TASOR: variants seen among roughly 807,000 people sequenced by gnomAD.
TASOR encodes protein TASOR.
In TASOR, 53 loss-of-function variants were observed where a neutral mutation model predicts 178.6. That is an observed-to-expected ratio of 0.30 (90% confidence interval 0.24 to 0.37). The LOEUF is 0.37. TASOR is among the 10% of genes least tolerant of loss of function. TASOR has a pLI of 1.00. For missense variants in TASOR, 1,815 were observed against 1,971.4 expected (o/e 0.92, Z 1.50); for synonymous variants, 713 against 696.2 (o/e 1.02, Z -0.38).
chr3:56,631,485 G>A (rs78443178), intron 18 of TASOR, among the ~76,000 whole-genome samples: 3,975 of 151,886 alleles, frequency 0.026, 87 homozygotes, highest in African/African-American at 0.06. Context: ...TTGCTCCAAT[G>A]TGTTACCATT....
chr3:56,655,835 G>T (rs987308110), intron 11 of TASOR, among the ~76,000 whole-genome samples: 87 of 151,936 alleles, frequency 5.7e-4, no homozygotes, highest in African/African-American at 2.0e-3. Context: ...ATAATAATAA[G>T]GGTTATGTAA....
chr3:56,633,820 C>T lies in TASOR; in HGVS notation c.2971G>A (p.Asp991Asn). 1 of 1,614,144 alleles carries T rather than the reference C, an allele frequency of 6.2e-7. No individual in the cohort carries two copies. The highest frequency in any genetic ancestry group is 8.5e-7 in the Non-Finnish European group (1 of 1,180,020). ...TCCACCTGACCTGTCAACACGTCAT[C>T]CTCAGTGGTGCCCTTTAGTGTGTCT... ...FTDTLKGTTE[D>N]DVLTGQVEEQ... The change falls in exon 18 of 24, where the codon GAT becomes AAT. Residue 991 changes from aspartate (D) to asparagine (N), a missense_variant. Asp to Asn is a conservative substitution (Grantham distance 23). This residue lies in a region of TASOR where 655 missense variants were observed against 671.1 expected (regional missense o/e 0.98). Transcript: ENST00000683822.
Position 56,636,723 on chromosome 3 carries a change from A to C in TASOR, c.2824+1983T>G, listed in dbSNP as rs117914974. Among the ~76,000 whole-genome samples, 154 of 152,242 alleles carry C rather than the reference A, an allele frequency of 1.0e-3. 1 individual carries two copies. The East Asian group carries it at 0.023, about 23-fold the overall frequency. Reference sequence around the variant, plus strand: ...TTTAAAAAAAAACTTATTGCCATTAAATAATTGCAGTATTTTAACTTTTAA... The same window carrying C: ...TTTAAAAAAAAACTTATTGCCATTACATAATTGCAGTATTTTAACTTTTAA... On this transcript the variant is annotated intron_variant, in intron 17 of 23. Transcript: ENST00000683822.
At chr3:56,679,825 A>G (rs1334287499) in intron 1 of TASOR, among the ~76,000 whole-genome samples, 1 of 152,240 alleles carries the variant, frequency 6.6e-6, no homozygotes, top group East Asian at 1.9e-4. Flanking sequence ...ACAAAATGCA[A>G]TTCTACAATT....
At chr3:56,675,870 T>G (rs141502353) in intron 1 of TASOR, among the ~76,000 whole-genome samples, 38 of 152,328 alleles carry the variant, frequency 2.5e-4, no homozygotes, top group African/African-American at 8.9e-4. Context: ...ACAGAGCCAT[T>G]CATCCATTCA....
intron 15 of TASOR, 137 bp from the exon 16 acceptor site, chr3:56,640,267 A>G: frequency 1.4e-6 from 1 of 708,470 alleles, no homozygotes; most frequent in Non-Finnish European, 2.3e-6. Flanking sequence ...GTAAAGTTAT[A>G]CTCTAGTTTC....
intron 11 of TASOR, among the ~76,000 whole-genome samples, chr3:56,658,992 G>A (rs1186988434): frequency 6.6e-6 from 1 of 151,242 alleles, no homozygotes; most frequent in Non-Finnish European, 1.5e-5. Context: ...ACGCGTGTGT[G>A]TTTTAATTCT....
intron 16 of TASOR, 31 bp downstream of exon 16, chr3:56,639,955 G>A: frequency 1.3e-6 from 2 of 1,577,320 alleles, no homozygotes; most frequent in Non-Finnish European, 1.7e-6. Context: ...GTAAAATGAA[G>A]CAAACACAAG....
chr3:56,624,371 A>T (rs193208472), intron 23 of TASOR, 108 bp downstream of exon 23: 1 of 1,086,346 alleles, frequency 9.2e-7, no homozygotes, highest in Non-Finnish European at 1.3e-6. Context: ...ATGGCTGTTT[A>T]TACTGAGGTA....
In TASOR at chr3:56,673,630, A is replaced by G; in HGVS notation, c.427T>C (p.Phe143Leu). 1 of 1,551,344 alleles carries G rather than the reference A, an allele frequency of 6.4e-7. No homozygotes were observed. Among genetic ancestry groups the G allele is most frequent in the Non-Finnish European group, 8.7e-7 (1 of 1,146,878 alleles). ...SYLEPTSVTN[F>L]NYRRACLVHN... Reference sequence around the variant, plus strand: ...ACCAAGCAAGCACGTCTGTAGTTAAAATTTGTTACTGAGGTTGGTTCAAGG... The same window carrying G: ...ACCAAGCAAGCACGTCTGTAGTTAAGATTTGTTACTGAGGTTGGTTCAAGG... Residue 143 changes from phenylalanine (F) to leucine (L), a missense_variant, in exon 2 of 24, where the codon TTT (phenylalanine) becomes CTT (leucine). Transcript: ENST00000683822.
At chr3:56,668,746 G>A (rs2030334756) in intron 5 of TASOR, among the ~76,000 whole-genome samples, 188 bp from the exon 6 acceptor site, 1 of 152,202 alleles carries the variant, frequency 6.6e-6, no homozygotes, top group Non-Finnish European at 1.5e-5. Context: ...GGCCAAGGCA[G>A]GCGGATCACC....
chr3:56,661,816 G>A (rs62251197), intron 9 of TASOR, among the ~76,000 whole-genome samples: 7,427 of 152,146 alleles, frequency 0.049, 187 homozygotes, highest in East Asian at 0.091. Flanking sequence ...TTATATTTCA[G>A]ACTTAAATCA....
intron 1 of TASOR, among the ~76,000 whole-genome samples, chr3:56,678,369 G>C (rs930106392): frequency 6.6e-6 from 1 of 151,610 alleles, no homozygotes; most frequent in African/African-American, 2.4e-5. Flanking sequence ...TTTTAATAGA[G>C]TCAGGGTTTC....
intron 11 of TASOR, among the ~76,000 whole-genome samples, chr3:56,658,071 TA>T (rs1310301340): frequency 1.3e-5 from 2 of 152,208 alleles, no homozygotes; most frequent in African/African-American, 4.8e-5. Context: ...GGACAAAATT[TA>T]AAAATCAGTA....
chr3:56,622,274 A>C lies in TASOR; in HGVS notation c.*763T>G, dbSNP rs1232940276. On this transcript the variant is annotated 3_prime_UTR_variant, in exon 24 of 24. Transcript: ENST00000683822. ...TAGTATAGCATTAATGTGTTCAACA[A>C]ATGGTAATTACTACTAAGACCACCT... is the stretch of plus-strand genomic sequence containing the variant. 6.6e-6 allele frequency: 1 copy of C among 152,184 alleles called. No individual in the cohort carries two copies. Among genetic ancestry groups the C allele is most frequent in the Admixed American group, 6.5e-5 (1 of 15,274 alleles). The allele number at this position is 152,184 out of a possible 1,614,324, so 9.4% of individuals were successfully genotyped here.
chr3:56,650,171 A>G (rs544524839), intron 11 of TASOR, among the ~76,000 whole-genome samples: 6 of 152,338 alleles, frequency 3.9e-5, no homozygotes, highest in African/African-American at 1.2e-4. Context: ...ACACAAAAGG[A>G]TATCTGAGCT....
intron 17 of TASOR, among the ~76,000 whole-genome samples, chr3:56,637,480 C>T (rs1483786330): frequency 2.0e-5 from 3 of 151,880 alleles, no homozygotes; most frequent in African/African-American, 2.4e-5. Context: ...AAGATCATGC[C>T]ATTGCACTCC....
chr3:56,678,048 G>C (rs192354308), intron 1 of TASOR, among the ~76,000 whole-genome samples: 2 of 152,212 alleles, frequency 1.3e-5, no homozygotes, highest in East Asian at 3.9e-4. Flanking sequence ...AGGGCACTTA[G>C]AGATTTATAA....
At chr3:56,667,105 T>C (rs2030099552) in intron 6 of TASOR, among the ~76,000 whole-genome samples, 1 of 152,218 alleles carries the variant, frequency 6.6e-6, no homozygotes. Flanking sequence ...CAAGTCCTTC[T>C]AGAAAAGCCA....
Sources: gnomAD v4.1 joint callset for allele counts (sites outside exome capture counted in the v4.1 genomes callset) on GRCh38, gnomAD v4.1.1 for gene constraint, gnomAD v4.1.1 regional missense constraint, MANE v1.5 for transcripts, NCBI Gene and HGNC (gene_info 2026-07-23, HGNC 2026-07-21) for gene names.